ROBO2: variants seen among roughly 807,000 people sequenced by gnomAD.
The protein encoded by ROBO2 is roundabout guidance receptor 2, also known as roundabout homolog 2.
A neutral mutation model predicts 160.8 loss-of-function variants in ROBO2; 53 were observed. That is an observed-to-expected ratio of 0.33 (90% CI 0.26 to 0.41). The LOEUF (loss-of-function observed/expected upper bound fraction) is 0.41, where lower values mean the gene tolerates loss of function less well. Among genes scored for constraint, ROBO2 ranks in the 10% least tolerant of loss-of-function variants. ROBO2 has a pLI of 1.00. For synonymous variants in ROBO2, 664 were observed against 611.7 expected (o/e 1.09, Z -1.26); for missense variants, 1,577 against 1,722.4 (o/e 0.92, Z 1.49).
chr3:76,755,574 A>G (rs554205474), intron 2 of ROBO2, among the ~76,000 whole-genome samples: 2 of 151,976 alleles, frequency 1.3e-5, no homozygotes, highest in East Asian at 3.9e-4. Flanking sequence ...GATTCCATTC[A>G]CATCTCAACT....
rs1270511536 is a variant in ROBO2 at position 77,214,133 on chromosome 3, TTG to T, written c.388+115795_388+115796del. Reference sequence around the variant, plus strand: ...AGCTGAGTTCAGTTTCTGGATATCCTTGTTAACTTTCTGTCTCGTTTATCTGT... The same window carrying T: ...AGCTGAGTTCAGTTTCTGGATATCCTTTAACTTTCTGTCTCGTTTATCTGT... On this transcript the variant is annotated intron_variant, in intron 2 of 25. Transcript: ENST00000461745. Among the ~76,000 whole-genome samples the T allele has an allele frequency of 4.6e-5, 7 of 152,268 alleles. No individual in the cohort carries two copies. In the East Asian group the frequency reaches 1.2e-3, roughly 25 times the overall value.
chr3:77,388,605 T>A (rs2074379873), intron 2 of ROBO2, among the ~76,000 whole-genome samples: 1 of 152,206 alleles, frequency 6.6e-6, no homozygotes, highest in African/African-American at 2.4e-5. Flanking sequence ...TTTTTAATTT[T>A]TATTCTGTGT....
intron 2 of ROBO2, among the ~76,000 whole-genome samples, chr3:77,241,202 G>T (rs1256125983): frequency 6.6e-6 from 1 of 152,130 alleles, no homozygotes; most frequent in Non-Finnish European, 1.5e-5. Context: ...ACTTATTACT[G>T]GTTGCCAAGA....
rs982675539 is a variant in ROBO2, at chr3:76,045,871, G to GTTTTAT, written c.109+108286_109+108291dup. ...GCTTGAGCCATTTTTCAGTAGAAGA[G>GTTTTAT]TTTTATTTTTATTTTTATTTTTTAT... On this transcript the variant is annotated intron_variant, in intron 2 of 26. Coordinates refer to the ROBO2 transcript ENST00000487694. Among the ~76,000 whole-genome samples the GTTTTAT allele has an allele frequency of 4.6e-5, 7 of 151,888 alleles. 1 individual carries two copies. The highest frequency in any genetic ancestry group is 1.2e-4 in the African/African-American group (5 of 41,242).
intron 2 of ROBO2, among the ~76,000 whole-genome samples, chr3:76,071,232 T>A (rs1184221248): frequency 6.6e-6 from 1 of 152,196 alleles, no homozygotes. Flanking sequence ...TTTCTTGAGA[T>A]CTCCTCTTTG....
chr3:75,973,061 C>T (rs1559795527), intron 2 of ROBO2, among the ~76,000 whole-genome samples: 1 of 151,626 alleles, frequency 6.6e-6, no homozygotes, highest in Non-Finnish European at 1.5e-5. Flanking sequence ...ATAACATTTT[C>T]CTGAAGTAAG....
chr3:76,762,246 C>T (rs140134255), intron 2 of ROBO2, among the ~76,000 whole-genome samples: 60 of 151,504 alleles, frequency 4.0e-4, no homozygotes, highest in Non-Finnish European at 6.8e-4. Flanking sequence ...TGAATTTGAA[C>T]AATTTTAGGG....
intron 2 of ROBO2, among the ~76,000 whole-genome samples, chr3:76,991,393 A>G (rs550583064): frequency 1.8e-3 from 281 of 152,302 alleles, no homozygotes; most frequent in South Asian, 3.1e-3. Context: ...CACAGTATGC[A>G]TTGTTTTCTA....
chr3:76,546,390 T>G (rs1374337268), intron 2 of ROBO2, among the ~76,000 whole-genome samples: 1 of 151,916 alleles, frequency 6.6e-6, no homozygotes, highest in Non-Finnish European at 1.5e-5. Context: ...CAAAGATGCC[T>G]ATGTCTTAAT....
chr3:76,522,863 C>T (rs1301288745), intron 2 of ROBO2, among the ~76,000 whole-genome samples: 1 of 151,800 alleles, frequency 6.6e-6, no homozygotes, highest in African/African-American at 2.4e-5. Flanking sequence ...GGCTAGAGGT[C>T]ATATCCCCCT....
At chr3:77,493,313 G>A (rs768341950) in exon 5 of ROBO2, 2 of 1,613,790 alleles carry the variant, frequency 1.2e-6, no homozygotes, top group Non-Finnish European at 1.7e-6. Context: ...GAATTTCGTT[G>A]TCAAGTCCAA....
intron 2 of ROBO2, among the ~76,000 whole-genome samples, chr3:76,832,733 T>C (rs2067197619): frequency 6.6e-6 from 1 of 152,010 alleles, no homozygotes; most frequent in African/African-American, 2.4e-5. Flanking sequence ...GTCTGGGAGC[T>C]GGAGAGAAGT....
intron 2 of ROBO2, among the ~76,000 whole-genome samples, chr3:77,425,577 G>T (rs2153536340): frequency 6.6e-6 from 1 of 152,172 alleles, no homozygotes; most frequent in African/African-American, 2.4e-5. Context: ...GAAGGAGTGA[G>T]GGTGAAGACT....
At chr3:75,992,682 A>T (rs200592473) in intron 2 of ROBO2, among the ~76,000 whole-genome samples, 2 of 152,168 alleles carry the variant, frequency 1.3e-5, no homozygotes, top group East Asian at 3.9e-4. Context: ...AGAATGGTAG[A>T]TCCACTGAAA....
chr3:77,544,817 G>A (rs962083298), intron 6 of ROBO2, among the ~76,000 whole-genome samples: 4 of 151,988 alleles, frequency 2.6e-5, no homozygotes, highest in African/African-American at 9.7e-5. Flanking sequence ...GAGTTAAAGT[G>A]GATATAGATT....
At chr3:76,059,057 C>T (rs2067969651) in intron 2 of ROBO2, among the ~76,000 whole-genome samples, 1 of 151,080 alleles carries the variant, frequency 6.6e-6, no homozygotes, top group Non-Finnish European at 1.5e-5. Flanking sequence ...CATTGTTGGA[C>T]ATTTGGGTTG....
At chr3:76,379,657 T>C (rs141895299) in intron 2 of ROBO2, among the ~76,000 whole-genome samples, 2,013 of 152,320 alleles carry the variant, frequency 0.013, 35 homozygotes, top group Admixed American at 0.037. Context: ...AGATAAAATA[T>C]GCAAAATATA....
chr3:76,998,180 A>G (rs1275650434), intron 2 of ROBO2, among the ~76,000 whole-genome samples: 3 of 152,162 alleles, frequency 2.0e-5, no homozygotes, highest in African/African-American at 4.8e-5. Flanking sequence ...ATACTGGCCT[A>G]CATATTAGGG....
chr3:77,105,681 T>C (rs756171570), intron 2 of ROBO2, among the ~76,000 whole-genome samples: 11 of 152,224 alleles, frequency 7.2e-5, no homozygotes, highest in Non-Finnish European at 1.5e-4. Context: ...GGTTTATTTC[T>C]GTTGATTGAA....
Sources: allele counts gnomAD v4.1 joint callset (sites outside exome capture counted in the v4.1 genomes callset), GRCh38; gene constraint gnomAD v4.1.1; transcripts MANE v1.5; gene names NCBI Gene and HGNC (gene_info 2026-07-23, HGNC 2026-07-21).